The following GRM7 variants were observed in gnomAD, a reference collection of about 807,000 sequenced individuals.
GRM7 encodes glutamate metabotropic receptor 7.
A neutral mutation model predicts 84.5 loss-of-function variants in GRM7; 35 were observed. That is an observed-to-expected ratio of 0.41 (90% CI 0.32 to 0.55). GRM7 has a LOEUF of 0.55. Among genes scored for constraint, GRM7 ranks in the 20% least tolerant of loss-of-function variants. The pLI, the probability that GRM7 is intolerant of heterozygous loss-of-function variation, is 0.19. For missense variants in GRM7, 1,003 were observed against 1,194.6 expected (o/e 0.84, Z 2.36); for synonymous variants, 487 against 455.1 (o/e 1.07, Z -0.89).
chr3:7,384,260 C>T (rs1694700699), intron 4 of GRM7, among the ~76,000 whole-genome samples: 2 of 152,102 alleles, frequency 1.3e-5, no homozygotes, highest in Non-Finnish European at 2.9e-5. Context: ...AACTCCTGAC[C>T]TCTGGTGACC....
intron 7 of GRM7, among the ~76,000 whole-genome samples, chr3:7,477,897 A>G (rs921902774): frequency 6.6e-6 from 1 of 152,126 alleles, no homozygotes; most frequent in Non-Finnish European, 1.5e-5. Context: ...AGACCCTTTG[A>G]AATTGCATGT....
At chr3:7,205,491 A>G (rs1433127780) in intron 2 of GRM7, among the ~76,000 whole-genome samples, 1 of 152,168 alleles carries the variant, frequency 6.6e-6, no homozygotes, top group Non-Finnish European at 1.5e-5. Flanking sequence ...AGAACCATAC[A>G]CCAAGTGTGA....
chr3:7,706,460 G>A lies in GRM7; in HGVS notation c.2698+26165G>A, dbSNP rs143918687. Reference sequence around the variant, plus strand: ...TGCAAGTTTGGAGGGAAGATTTTTCGAAACTACCCTAAGTTTTGGTAATTT... The same window carrying A: ...TGCAAGTTTGGAGGGAAGATTTTTCAAAACTACCCTAAGTTTTGGTAATTT... On this transcript the variant is annotated intron_variant, in intron 9 of 9. Transcript: ENST00000357716. 3.3e-3 allele frequency among the ~76,000 whole-genome samples: 497 copies of A among 152,174 alleles called. 3 individuals are homozygous for A. Among genetic ancestry groups the A allele is most frequent in the African/African-American group, 0.012 (480 of 41,536 alleles).
chr3:7,642,000 C>T (rs950010611), intron 8 of GRM7, among the ~76,000 whole-genome samples: 1 of 152,006 alleles, frequency 6.6e-6, no homozygotes, highest in African/African-American at 2.4e-5. Context: ...GTAAATACAT[C>T]GTACCACCTG....
At chr3:7,276,773 T>TCCCTTC in intron 2 of GRM7, among the ~76,000 whole-genome samples, 1 of 3,550 alleles carries the variant, frequency 2.8e-4, no homozygotes, top group African/African-American at 9.9e-4. Context: ...CTCCCTTCCT[T>TCCCTTC]CCTTCCTTCC....
intron 4 of GRM7, among the ~76,000 whole-genome samples, chr3:7,391,898 A>T (rs1215796856): frequency 6.6e-6 from 1 of 152,190 alleles, no homozygotes. Context: ...AAACTCAACC[A>T]TCTTAGCCCA....
chr3:7,608,177 G>C (rs1438759221), intron 8 of GRM7: 1 of 156,184 alleles, frequency 6.4e-6, no homozygotes, highest in African/African-American at 2.4e-5. Flanking sequence ...ATTGTGAATA[G>C]TGCTGCAATG....
At chr3:7,184,431 G>A (rs1695447409) in intron 2 of GRM7, among the ~76,000 whole-genome samples, 1 of 151,866 alleles carries the variant, frequency 6.6e-6, no homozygotes, top group South Asian at 2.1e-4. Context: ...CCATATATAT[G>A]AGACAAATAT....
chr3:7,696,153 T>C (rs535802903), intron 9 of GRM7, among the ~76,000 whole-genome samples: 1 of 152,292 alleles, frequency 6.6e-6, no homozygotes, highest in South Asian at 2.1e-4. Flanking sequence ...CCATTGCTTA[T>C]GAGAATTGTC....
Position 7,721,547 on chromosome 3 carries a change from T to C in GRM7, c.2699-18810T>C, listed in dbSNP as rs529198667. On this transcript the variant is annotated intron_variant, in intron 9 of 9. Transcript: ENST00000357716. The stretch of plus-strand genomic sequence containing the variant: ...ATAGATCAATTCTTCACTGCAAAAT[T>C]GAGTAGTGAATAAATAAACTTACTT... Among the ~76,000 whole-genome samples the C allele has an allele frequency of 7.9e-5, 12 of 152,330 alleles. No homozygotes were observed. In the South Asian group the frequency reaches 2.3e-3, roughly 29 times the overall value.
intron 2 of GRM7, among the ~76,000 whole-genome samples, chr3:7,183,531 G>A (rs1412785412): frequency 1.3e-5 from 2 of 152,160 alleles, no homozygotes; most frequent in Non-Finnish European, 2.9e-5. Context: ...GGAGGCTGAG[G>A]CAGGAGACTT....
intron 5 of GRM7, among the ~76,000 whole-genome samples, chr3:7,442,786 G>A (rs964101148): frequency 1.2e-4 from 18 of 152,130 alleles, no homozygotes; most frequent in Non-Finnish European, 1.5e-5. Context: ...TGTAAGACTT[G>A]ACATGAGAGT....
chr3:7,184,845 C>T (rs1695461355), intron 2 of GRM7, among the ~76,000 whole-genome samples: 1 of 152,096 alleles, frequency 6.6e-6, no homozygotes, highest in Non-Finnish European at 1.5e-5. Flanking sequence ...CCATTTCACT[C>T]TCGTGTTTAT....
intron 4 of GRM7, among the ~76,000 whole-genome samples, chr3:7,375,439 C>T (rs1167016259): frequency 2.0e-5 from 3 of 151,824 alleles, no homozygotes; most frequent in Non-Finnish European, 2.9e-5. Context: ...AGGCTGGTCT[C>T]GAACTCCTGA....
intron 1 of GRM7, among the ~76,000 whole-genome samples, chr3:7,116,504 T>C (rs1012272255): frequency 2.6e-5 from 4 of 152,114 alleles, no homozygotes; most frequent in Non-Finnish European, 5.9e-5. Flanking sequence ...CTCACCACAG[T>C]CACATACTGT....
chr3:7,462,708 C>T (rs1295108865), intron 7 of GRM7, among the ~76,000 whole-genome samples: 1 of 152,118 alleles, frequency 6.6e-6, no homozygotes, highest in Non-Finnish European at 1.5e-5. Context: ...CCACTACAGG[C>T]CAGTTACCTC....
At chr3:7,493,330 G>A (rs1056522919) in intron 7 of GRM7, among the ~76,000 whole-genome samples, 2 of 151,920 alleles carry the variant, frequency 1.3e-5, no homozygotes, top group Non-Finnish European at 1.5e-5. Context: ...TTTATTTCAT[G>A]TATTCTGAGG....
At chr3:7,374,033 G>A (rs963530951) in intron 4 of GRM7, among the ~76,000 whole-genome samples, 2 of 152,098 alleles carry the variant, frequency 1.3e-5, no homozygotes, top group African/African-American at 2.4e-5. Context: ...GCATAGTGTC[G>A]TGGAAATCCA....
At chr3:6,980,410 G>A (rs1258516696) in intron 1 of GRM7, among the ~76,000 whole-genome samples, 1 of 152,056 alleles carries the variant, frequency 6.6e-6, no homozygotes, top group East Asian at 1.9e-4. Flanking sequence ...TTTGTTCTTT[G>A]TATTCCCAAC....
Sources: gnomAD v4.1 joint callset for allele counts (sites outside exome capture counted in the v4.1 genomes callset) on GRCh38, gnomAD v4.1.1 for gene constraint, MANE v1.5 for transcripts, NCBI Gene and HGNC (gene_info 2026-07-23, HGNC 2026-07-21) for gene names.